PXDNL: variants seen among roughly 807,000 people sequenced by gnomAD.
The protein encoded by PXDNL is probable oxidoreductase PXDNL.
Under a neutral mutation model 150.8 loss-of-function variants are expected in PXDNL, and 145 were observed. That is an observed-to-expected ratio of 0.96 (90% CI 0.84 to 1.10). The LOEUF (loss-of-function observed/expected upper bound fraction) is 1.10, where lower values mean the gene tolerates loss of function less well. PXDNL is among the 50% of genes least tolerant of loss of function. The pLI, the probability that PXDNL is intolerant of heterozygous loss-of-function variation, is 0.00. For missense variants in PXDNL, 2,087 were observed against 1,873.9 expected, an observed-to-expected ratio of 1.11 and a Z score of -2.10; for synonymous variants, 757 against 725.7, an observed-to-expected ratio of 1.04 and a Z score of -0.69.
intron 17 of PXDNL, among the ~76,000 whole-genome samples, chr8:51,403,014 C>T (rs1307240088): frequency 4.7e-5 from 7 of 148,484 alleles, no homozygotes; most frequent in Non-Finnish European, 1.0e-4. Context: ...GGCGTGAACC[C>T]GGGAGGTGGA....
At chr8:51,418,156 C>A (rs1272698275) in intron 14 of PXDNL, among the ~76,000 whole-genome samples, 1 of 151,998 alleles carries the variant, frequency 6.6e-6, no homozygotes, top group African/African-American at 2.4e-5. Context: ...TAACATAAAG[C>A]TAATACAAAC....
chr8:51,537,700 G>A (rs1168025326), intron 4 of PXDNL, among the ~76,000 whole-genome samples: 1 of 152,182 alleles, frequency 6.6e-6, no homozygotes, highest in Non-Finnish European at 1.5e-5. Context: ...TTTTTAACAT[G>A]TGCTTCCTAT....
chr8:51,800,335 C>A (rs1406567362), intron 1 of PXDNL, among the ~76,000 whole-genome samples: 2 of 152,184 alleles, frequency 1.3e-5, no homozygotes, highest in Non-Finnish European at 1.5e-5. Context: ...CTGTTCTCTG[C>A]CCTGAAGGAA....
chr8:51,658,304 T>C (rs1319869298), intron 1 of PXDNL, among the ~76,000 whole-genome samples: 1 of 129,890 alleles, frequency 7.7e-6, no homozygotes, highest in East Asian at 2.2e-4. Flanking sequence ...ATCACACCAC[T>C]GCACTCCAAC....
intron 21 of PXDNL, among the ~76,000 whole-genome samples, chr8:51,323,157 T>A (rs1805379439): frequency 6.6e-6 from 1 of 152,220 alleles, no homozygotes; most frequent in African/African-American, 2.4e-5. Context: ...AACTTTTATG[T>A]CCAAAAACAC....
In PXDNL at chr8:51,592,696, A is replaced by G. The variant is rs1813470470; in HGVS notation, c.239T>C (p.Leu80Pro). The change falls in exon 3 of 23, where the codon CTG becomes CCG. Residue 80 changes from leucine to proline, a missense_variant and splice_region_variant. Leu to Pro is a moderately conservative substitution (Grantham distance 98, BLOSUM62 -3). Transcript: ENST00000356297. ...FKKLKNLNTLLLNNNHIRKIS... is the reference protein window; with the variant it reads ...FKKLKNLNTLPLNNNHIRKIS... The stretch of plus-strand genomic sequence containing the variant: ...CTTTCTGATGTGGTTGTTGTTCAGC[A>G]GACTGAAAAAGCAAAAACAAACAAA... 1 of 1,542,110 alleles carries G rather than the reference A, an allele frequency of 6.5e-7. No individual in the cohort carries two copies. The highest frequency in any genetic ancestry group is 2.5e-5 in the East Asian group (1 of 40,724).
At chr8:51,487,334 A>G (rs914903580) in intron 5 of PXDNL, among the ~76,000 whole-genome samples, 1 of 152,056 alleles carries the variant, frequency 6.6e-6, no homozygotes, top group African/African-American at 2.4e-5. Context: ...TAATGTTTCA[A>G]GATGTATCCC....
intron 17 of PXDNL, among the ~76,000 whole-genome samples, chr8:51,399,451 A>G (rs546521378): frequency 2.6e-5 from 4 of 152,334 alleles, no homozygotes; most frequent in African/African-American, 9.6e-5. Context: ...AACTCCAAAA[A>G]CATTCCAAGC....
intron 17 of PXDNL, among the ~76,000 whole-genome samples, chr8:51,389,727 T>C (rs1304027293): frequency 1.3e-5 from 2 of 152,228 alleles, no homozygotes; most frequent in Non-Finnish European, 2.9e-5. Flanking sequence ...AAAGCCATTC[T>C]TTATAGTTTT....
intron 1 of PXDNL, among the ~76,000 whole-genome samples, chr8:51,747,600 T>A (rs1563308690): frequency 6.6e-6 from 1 of 152,004 alleles, no homozygotes; most frequent in South Asian, 2.1e-4. Context: ...TTGAGCTGGG[T>A]TTTGGATAGC....
intron 1 of PXDNL, among the ~76,000 whole-genome samples, chr8:51,797,597 C>G (rs878912232): frequency 6.6e-6 from 1 of 152,048 alleles, no homozygotes; most frequent in African/African-American, 2.4e-5. Flanking sequence ...GAATAAAATA[C>G]CTAGGAATAC....
At chr8:51,748,010 T>G (rs1194900996) in intron 1 of PXDNL, among the ~76,000 whole-genome samples, 8 of 152,206 alleles carry the variant, frequency 5.3e-5, no homozygotes. Flanking sequence ...AGTACCTCTA[T>G]AAGTATCTGA....
chr8:51,395,715 G>C (rs1026551389), intron 17 of PXDNL, among the ~76,000 whole-genome samples: 1 of 152,216 alleles, frequency 6.6e-6, no homozygotes, highest in African/African-American at 2.4e-5. Flanking sequence ...TGGACACTGA[G>C]AAGAGATACA....
At chr8:51,356,459 A>G (rs1354760013) in intron 19 of PXDNL, among the ~76,000 whole-genome samples, 2 of 151,174 alleles carry the variant, frequency 1.3e-5, no homozygotes, top group Non-Finnish European at 2.9e-5. Context: ...ATTGCACTCC[A>G]GTGGTGATAA....
intron 5 of PXDNL, among the ~76,000 whole-genome samples, chr8:51,486,158 T>C (rs996559712): frequency 1.3e-5 from 2 of 152,202 alleles, no homozygotes; most frequent in African/African-American, 4.8e-5. Context: ...TATTGAAAGA[T>C]ATTATCTATT....
At chr8:51,513,268 G>A (rs530641499) in intron 4 of PXDNL, among the ~76,000 whole-genome samples, 8 of 152,252 alleles carry the variant, frequency 5.3e-5, no homozygotes, top group East Asian at 1.9e-4. Context: ...GCAGGGCCTC[G>A]GCATAAACAC....
intron 12 of PXDNL, among the ~76,000 whole-genome samples, chr8:51,440,190 A>G (rs557054402): frequency 6.6e-6 from 1 of 152,264 alleles, no homozygotes; most frequent in South Asian, 2.1e-4. Context: ...GGAAAACCAA[A>G]TATCTTACAT....
rs1293216494 is a variant in PXDNL, at chr8:51,348,118, T to C, written c.3902-2171A>G. ...TTCCTGATTTTCAATAGGTTGCAAG[T>C]ATTCTCCCCACTACAATGCAGCATC... On this transcript the variant is annotated intron_variant, in intron 19 of 22. Transcript: ENST00000356297. Among the ~76,000 whole-genome samples the C allele has an allele frequency of 3.9e-5, 6 of 152,328 alleles. No individual in the cohort carries two copies. The South Asian group carries it at 6.2e-4, about 16-fold the overall frequency.
At chr8:51,641,865 A>G (rs1196728373) in intron 2 of PXDNL, among the ~76,000 whole-genome samples, 1 of 151,450 alleles carries the variant, frequency 6.6e-6, no homozygotes, top group South Asian at 2.1e-4. Context: ...GGTATATACC[A>G]AAAGGACTAT....
Sources: allele counts gnomAD v4.1 joint callset (sites outside exome capture counted in the v4.1 genomes callset), GRCh38; gene constraint gnomAD v4.1.1; transcripts MANE v1.5; gene names NCBI Gene and HGNC (gene_info 2026-07-23, HGNC 2026-07-21).